TRIM9: variants seen among roughly 807,000 people sequenced by gnomAD.
TRIM9 encodes the protein tripartite motif containing 9.
In TRIM9, 26 loss-of-function variants were observed where a neutral mutation model predicts 78.3. The observed-to-expected ratio is 0.33, with a 90% CI of 0.24 to 0.46. The LOEUF (loss-of-function observed/expected upper bound fraction) is 0.46, where lower values mean the gene tolerates loss of function less well. Ranked by LOEUF, TRIM9 falls within the 20% of genes least tolerant of loss-of-function variation. The pLI is 1.00. For synonymous variants in TRIM9, 398 were observed against 416.5 expected, an observed-to-expected ratio of 0.96 and a Z score of 0.54; for missense variants, 787 against 1,036.4, an observed-to-expected ratio of 0.76 and a Z score of 3.30.
At chr14:51,046,765 C>A (rs111965180) in intron 1 of TRIM9, among the ~76,000 whole-genome samples, 1 of 152,206 alleles carries the variant, frequency 6.6e-6, no homozygotes, top group Admixed American at 6.5e-5. Context: ...ATTAAAAACT[C>A]TATACCTTCG....
intron 1 of TRIM9, among the ~76,000 whole-genome samples, chr14:51,032,639 C>T (rs1328938027): frequency 6.6e-6 from 1 of 152,180 alleles, no homozygotes; most frequent in Non-Finnish European, 1.5e-5. Context: ...GGTGGATCTA[C>T]CAAGAGCACA....
intron 1 of TRIM9, among the ~76,000 whole-genome samples, chr14:51,093,485 C>G (rs1243903347): frequency 6.6e-6 from 1 of 152,248 alleles, no homozygotes; most frequent in Non-Finnish European, 1.5e-5. Context: ...CGTCGCGTTG[C>G]CATGGCGACC....
chr14:51,008,641 C>CA (rs1440841343), intron 5 of TRIM9, among the ~76,000 whole-genome samples: 30 of 152,324 alleles, frequency 2.0e-4, no homozygotes, highest in African/African-American at 7.2e-4. Flanking sequence ...ATTGGCAGGC[C>CA]AACTGTGATC....
chr14:51,051,071 T>C (rs978051672), intron 1 of TRIM9, among the ~76,000 whole-genome samples: 1 of 152,174 alleles, frequency 6.6e-6, no homozygotes, highest in African/African-American at 2.4e-5. Flanking sequence ...CAGGAAGGCT[T>C]TGTAGTTCAA....
intron 1 of TRIM9, among the ~76,000 whole-genome samples, chr14:51,049,579 G>C (rs72687148): frequency 0.2 from 29,666 of 152,100 alleles, 3,252 homozygotes; most frequent in Non-Finnish European, 0.25. Context: ...TGTAATCCCA[G>C]CACTTTGGGA....
At chr14:51,011,976 C>T (rs1030186075) in intron 3 of TRIM9, among the ~76,000 whole-genome samples, 1 of 152,172 alleles carries the variant, frequency 6.6e-6, no homozygotes, top group Admixed American at 6.5e-5. Context: ...TTCCTGTTCT[C>T]TTATTATTGG....
intron 1 of TRIM9, among the ~76,000 whole-genome samples, chr14:51,050,410 T>C (rs2060311948): frequency 6.6e-6 from 1 of 152,224 alleles, no homozygotes; most frequent in African/African-American, 2.4e-5. Context: ...CCTGCCACCA[T>C]GTAAGACATG....
intron 1 of TRIM9, among the ~76,000 whole-genome samples, chr14:51,059,106 C>T (rs1387263786): frequency 6.6e-6 from 1 of 152,188 alleles, no homozygotes. Context: ...ACGAGCTTCC[C>T]TGCTTTGCCC....
rs1482512885 is a variant in TRIM9 at position 50,988,082 on chromosome 14, G to A, written c.1604-1938C>T. Among the ~76,000 whole-genome samples, 8 of 152,284 alleles carry A rather than the reference G, an allele frequency of 5.3e-5. No individual in the cohort carries two copies. In the East Asian group the frequency reaches 1.3e-3, roughly 26 times the overall value. ...CTCCCAAAGTGCTGAGATTACAGGC[G>A]TGAGCTACCACACCCGGACTAAAAG... On this transcript the variant is annotated intron_variant, in intron 7 of 12. Coordinates refer to ENST00000684578, the MANE Select transcript of TRIM9 (RefSeq NM_001387360.1).
intron 2 of TRIM9, among the ~76,000 whole-genome samples, chr14:51,024,226 C>A (rs35809678): frequency 6.6e-6 from 1 of 151,990 alleles, no homozygotes; most frequent in Non-Finnish European, 1.5e-5. Context: ...TGAAGAGGCC[C>A]GGGCAGAGGC....
intron 3 of TRIM9, among the ~76,000 whole-genome samples, chr14:51,018,413 G>GAT (rs1328548761): frequency 1.4e-5 from 2 of 147,716 alleles, no homozygotes; most frequent in Admixed American, 1.4e-4. Context: ...AGGATTATTT[G>GAT]CCTGTCATAA....
chr14:51,086,108 A>G (rs2043609826), intron 1 of TRIM9, among the ~76,000 whole-genome samples: 1 of 152,254 alleles, frequency 6.6e-6, no homozygotes. Flanking sequence ...CGAGAACTAA[A>G]GGAGTCCAGC....
rs930399461 is a variant in TRIM9, at chr14:51,015,172, G to T, written c.1042-4678C>A. Among the ~76,000 whole-genome samples, 5 of 152,192 alleles carry T rather than the reference G, an allele frequency of 3.3e-5. 1 individual carries two copies. The highest frequency in any genetic ancestry group is 3.3e-4 in the Admixed American group (5 of 15,280). ...ACACTGATATCTACTGGTTAAAGGA[G>T]AGTCTGAAGGACTGTTGTGTCTCTT... On this transcript the variant is annotated intron_variant, in intron 3 of 12. Coordinates refer to ENST00000684578, the MANE Select transcript of TRIM9 (RefSeq NM_001387360.1).
At chr14:50,994,241 A>T (rs949758577) in intron 7 of TRIM9, among the ~76,000 whole-genome samples, 7 of 152,218 alleles carry the variant, frequency 4.6e-5, no homozygotes, top group African/African-American at 1.7e-4. Flanking sequence ...CCACATCTCT[A>T]CAAAAAATTT....
chr14:50,999,311 T>C (rs566344448), intron 6 of TRIM9, among the ~76,000 whole-genome samples: 23 of 152,086 alleles, frequency 1.5e-4, no homozygotes, highest in African/African-American at 5.3e-4. Flanking sequence ...ACACAGGCAC[T>C]GAAAAGGCAA....
chr14:50,976,092 G>A lies in TRIM9; in HGVS notation c.*1199C>T, dbSNP rs1433613958. 1.3e-5 allele frequency: 2 copies of A among 152,544 alleles called. No homozygotes were observed. Among genetic ancestry groups the A allele is most frequent in the African/African-American group, 4.8e-5 (2 of 41,408 alleles). 9.4% of individuals were successfully genotyped at this position (152,544 alleles called of 1,614,324 possible). On this transcript the variant is annotated 3_prime_UTR_variant, in exon 13 of 13. Transcript: ENST00000684578. ...TCAAGATCTCCCATTACTGAGAATG[G>A]GTCCTTTGCCCTCTGGTCACTCTTT...
chr14:51,079,130 A>C (rs1416744683), intron 1 of TRIM9, among the ~76,000 whole-genome samples: 1 of 152,222 alleles, frequency 6.6e-6, no homozygotes, highest in Admixed American at 6.5e-5. Flanking sequence ...ATAGACACTA[A>C]TCCAAAAGCC....
intron 4 of TRIM9, 46 bp downstream of exon 4, chr14:51,010,338 C>A: frequency 6.7e-7 from 1 of 1,498,986 alleles, no homozygotes; most frequent in Non-Finnish European, 9.3e-7. Flanking sequence ...TAGACTATGT[C>A]CTATGGGACA....
At chr14:50,992,062 C>A (rs901326493) in intron 7 of TRIM9, among the ~76,000 whole-genome samples, 7 of 152,202 alleles carry the variant, frequency 4.6e-5, no homozygotes, top group African/African-American at 1.7e-4. Context: ...TACATCTTTT[C>A]TTCTTTAAAT....
Sources: allele counts gnomAD v4.1 joint callset (sites outside exome capture counted in the v4.1 genomes callset), GRCh38; gene constraint gnomAD v4.1.1; transcripts MANE v1.5; gene names NCBI Gene and HGNC (gene_info 2026-07-23, HGNC 2026-07-21).